The following SGCZ variants were observed in gnomAD, a reference collection of about 807,000 sequenced individuals.
The protein encoded by SGCZ is sarcoglycan zeta, also known as zeta-sarcoglycan.
Under a neutral mutation model 41.3 loss-of-function variants are expected in SGCZ, and 40 were observed. The observed-to-expected ratio is 0.97, with a 90% CI of 0.75 to 1.26. The LOEUF (loss-of-function observed/expected upper bound fraction) is 1.26, where lower values mean the gene tolerates loss of function less well. Ranked by LOEUF, SGCZ falls within the 50% of genes most tolerant of loss-of-function variation. SGCZ has a pLI of 0.00. For missense variants in SGCZ, 552 were observed against 369.8 expected (o/e 1.49, Z -4.04); for synonymous variants, 206 against 137.5 (o/e 1.50, Z -3.49).
chr8:15,214,950 G>A (rs1329020712), intron 1 of SGCZ, among the ~76,000 whole-genome samples: 1 of 152,082 alleles, frequency 6.6e-6, no homozygotes, highest in Admixed American at 6.6e-5. Context: ...ACTAGTGGAG[G>A]ATACTATGTA....
chr8:14,919,808 C>G (rs1031499615), intron 1 of SGCZ, among the ~76,000 whole-genome samples: 1 of 152,110 alleles, frequency 6.6e-6, no homozygotes, highest in East Asian at 1.9e-4. Flanking sequence ...ATCCCAGCTA[C>G]TCGGGAAACT....
chr8:14,933,432 T>C (rs1265774742), intron 1 of SGCZ, among the ~76,000 whole-genome samples: 1 of 14,636 alleles, frequency 6.8e-5, no homozygotes, highest in Admixed American at 5.9e-4. Flanking sequence ...TTTTTTTTTC[T>C]TTTTTTTTTT....
rs73665348 is a variant in SGCZ at position 14,981,118 on chromosome 8, T to G, written c.39+256467A>C. ...CTACCAACTCATATTTGCTGTGGAA[T>G]AGAGCACATTCCCTTAGCCTTTCAC... On this transcript the variant is annotated intron_variant, in intron 1 of 7. Coordinates refer to ENST00000382080, the MANE Select transcript of SGCZ (RefSeq NM_139167.4). Among the ~76,000 whole-genome samples the G allele has an allele frequency of 1.5e-3, 233 of 152,314 alleles. 2 individuals are homozygous for G. Among genetic ancestry groups the G allele is most frequent in the African/African-American group, 5.4e-3 (223 of 41,574 alleles).
chr8:14,112,450 A>G (rs1234777879), intron 5 of SGCZ, among the ~76,000 whole-genome samples: 1 of 152,108 alleles, frequency 6.6e-6, no homozygotes. Context: ...TTTCAGGTCC[A>G]GGGATATTTT....
At chr8:14,924,046 T>A (rs1197721947) in intron 1 of SGCZ, among the ~76,000 whole-genome samples, 4 of 152,206 alleles carry the variant, frequency 2.6e-5, no homozygotes, top group Non-Finnish European at 5.9e-5. Flanking sequence ...AAATCCCCTC[T>A]TAAGGGGAGT....
chr8:14,250,164 G>A (rs566619878), intron 3 of SGCZ, among the ~76,000 whole-genome samples: 21 of 152,290 alleles, frequency 1.4e-4, no homozygotes, highest in Admixed American at 3.9e-4. Context: ...CAGCTGAGGT[G>A]CAGGACTAGA....
chr8:14,593,405 T>G (rs1009071085), intron 1 of SGCZ, among the ~76,000 whole-genome samples: 1 of 152,178 alleles, frequency 6.6e-6, no homozygotes, highest in Non-Finnish European at 1.5e-5. Flanking sequence ...GGCGTCTTGA[T>G]TTTAGATGTC....
chr8:14,271,163 G>A (rs992302480), intron 3 of SGCZ, among the ~76,000 whole-genome samples: 22 of 151,552 alleles, frequency 1.5e-4, no homozygotes, highest in African/African-American at 4.9e-4. Context: ...TAACCTGCAC[G>A]TTGTGCACAT....
At chr8:14,691,246 G>C (rs2119737) in intron 1 of SGCZ, among the ~76,000 whole-genome samples, 59,888 of 151,936 alleles carry the variant, frequency 0.39, 14,093 homozygotes, top group Non-Finnish European at 0.54. Flanking sequence ...ATCTTGATCT[G>C]AAAAATACAG....
intron 2 of SGCZ, among the ~76,000 whole-genome samples, chr8:14,470,661 G>A (rs1801189032): frequency 6.6e-6 from 1 of 152,082 alleles, no homozygotes; most frequent in Admixed American, 6.6e-5. Flanking sequence ...CTATATGACG[G>A]TTGGAGATAA....
intron 1 of SGCZ, among the ~76,000 whole-genome samples, chr8:14,613,807 C>G (rs1563153827): frequency 1.3e-5 from 2 of 151,976 alleles, no homozygotes; most frequent in African/African-American, 4.8e-5. Context: ...CCACTCTTTT[C>G]AAGGAATGAA....
intron 1 of SGCZ, among the ~76,000 whole-genome samples, chr8:14,808,083 A>T (rs2130526952): frequency 6.6e-6 from 1 of 152,314 alleles, no homozygotes; most frequent in East Asian, 1.9e-4. Context: ...AATTAATTCA[A>T]GATGGATTAA....
At chr8:14,130,498 T>A (rs992751687) in intron 5 of SGCZ, among the ~76,000 whole-genome samples, 3 of 151,990 alleles carry the variant, frequency 2.0e-5, no homozygotes, top group Non-Finnish European at 4.4e-5. Context: ...AAAAAATGAA[T>A]AAAACAACAA....
intron 2 of SGCZ, among the ~76,000 whole-genome samples, chr8:14,361,715 T>C (rs912382650): frequency 3.3e-5 from 5 of 152,226 alleles, no homozygotes; most frequent in African/African-American, 1.2e-4. Flanking sequence ...TCCAGTTTTG[T>C]TCCATTGCTG....
At chr8:14,388,374 G>A (rs1025936277) in intron 2 of SGCZ, among the ~76,000 whole-genome samples, 2 of 151,978 alleles carry the variant, frequency 1.3e-5, no homozygotes, top group African/African-American at 4.8e-5. Flanking sequence ...CAATGCCTGT[G>A]ACTCAAAACA....
intron 2 of SGCZ, among the ~76,000 whole-genome samples, chr8:14,397,084 G>A (rs184228722): frequency 1.4e-4 from 22 of 152,084 alleles, no homozygotes; most frequent in East Asian, 9.7e-4. Flanking sequence ...TCAACGTTAC[G>A]TAAATTTTAA....
At chr8:14,164,461 G>A (rs1804144110) in intron 5 of SGCZ, 119 bp downstream of exon 5, 4 of 1,221,046 alleles carry the variant, frequency 3.3e-6, no homozygotes, top group African/African-American at 3.1e-5. Context: ...AACAAACGTT[G>A]TGATTATGTA....
At chr8:14,286,985 C>A (rs931396221) in intron 3 of SGCZ, among the ~76,000 whole-genome samples, 1 of 151,752 alleles carries the variant, frequency 6.6e-6, no homozygotes, top group African/African-American at 2.4e-5. Flanking sequence ...GTTTTTTTCC[C>A]CTACTTGTGC....
intron 4 of SGCZ, among the ~76,000 whole-genome samples, chr8:14,211,610 A>G (rs1585236243): frequency 6.6e-6 from 1 of 152,210 alleles, no homozygotes; most frequent in African/African-American, 2.4e-5. Context: ...TCATGGCAGG[A>G]GCTGAAGGGC....
Sources: allele counts gnomAD v4.1 joint callset (sites outside exome capture counted in the v4.1 genomes callset), GRCh38; gene constraint gnomAD v4.1.1; transcripts MANE v1.5; gene names NCBI Gene and HGNC (gene_info 2026-07-23, HGNC 2026-07-21).